The following DNAH11 variants were observed in gnomAD, a reference collection of about 807,000 sequenced individuals.
The protein encoded by DNAH11 is dynein axonemal heavy chain 11, also known as axonemal beta dynein heavy chain 11.
In DNAH11, 442 loss-of-function variants were observed where a neutral mutation model predicts 526.0. The observed-to-expected ratio is 0.84, with a 90% CI of 0.78 to 0.91. The LOEUF is 0.91. Ranked by LOEUF, DNAH11 falls within the 40% of genes least tolerant of loss-of-function variation. The probability of loss-of-function intolerance (pLI) is 0.00; values close to 1 mark genes in which losing one functional copy is unlikely to be tolerated. For missense variants in DNAH11, 6,989 were observed against 5,448.7 expected (o/e 1.28, Z -8.90); for synonymous variants, 2,461 against 1,935.9 (o/e 1.27, Z -7.12).
intron 74 of DNAH11, among the ~76,000 whole-genome samples, chr7:21,877,858 C>T (rs1176049528): frequency 1.9e-5 from 2 of 103,584 alleles, no homozygotes; most frequent in Admixed American, 1.6e-4. Context: ...CTGGGCAACA[C>T]AGGGAGACTC....
chr7:21,724,268 A>G (rs945950636), intron 44 of DNAH11, among the ~76,000 whole-genome samples: 1 of 152,202 alleles, frequency 6.6e-6, no homozygotes, highest in East Asian at 1.9e-4. Flanking sequence ...TCTACCACCA[A>G]TCTGAAAATA....
At chr7:21,696,047 T>C (rs865928350) in intron 35 of DNAH11, among the ~76,000 whole-genome samples, 2 of 152,212 alleles carry the variant, frequency 1.3e-5, no homozygotes, top group African/African-American at 4.8e-5. Flanking sequence ...TCTTCCTATT[T>C]CCTTGATGAT....
At chr7:21,669,407 A>G (rs970581825) in intron 30 of DNAH11, among the ~76,000 whole-genome samples, 9 of 152,080 alleles carry the variant, frequency 5.9e-5, no homozygotes, top group Admixed American at 3.3e-4. Flanking sequence ...CTGACCTCAA[A>G]TGATCCTCCT....
Position 21,543,070 on chromosome 7 carries a change from A to G in DNAH11, c.-176A>G. ...GGCCTTCGCTTCGGCCTGCGAGGCT[A>G]CAGCTGTGCGCAGTGGCGCGGCTGC... On this transcript the variant is annotated 5_prime_UTR_variant, in exon 1 of 82. Coordinates refer to ENST00000409508, the MANE Select transcript of DNAH11 (RefSeq NM_001277115.2). 2.0e-6 allele frequency: 2 copies of G among 988,666 alleles called. No individual in the cohort carries two copies. Among genetic ancestry groups the G allele is most frequent in the East Asian group, 3.6e-5 (1 of 27,532 alleles). 61.2% of individuals were successfully genotyped at this position (988,666 alleles called of 1,614,324 possible).
At chr7:21,578,499 G>A (rs1007149134) in intron 8 of DNAH11, among the ~76,000 whole-genome samples, 5 of 152,216 alleles carry the variant, frequency 3.3e-5, no homozygotes, top group African/African-American at 4.8e-5. Flanking sequence ...CTGATGTTGA[G>A]TGCCTGCAGC....
chr7:21,700,111 A>G (rs890077070), intron 36 of DNAH11, among the ~76,000 whole-genome samples: 1 of 152,232 alleles, frequency 6.6e-6, no homozygotes, highest in Non-Finnish European at 1.5e-5. Context: ...AAAACTGAGC[A>G]AAACAACCTG....
At chr7:21,768,518 G>T (rs1209325585) in intron 55 of DNAH11, among the ~76,000 whole-genome samples, 1 of 152,126 alleles carries the variant, frequency 6.6e-6, no homozygotes, top group Non-Finnish European at 1.5e-5. Flanking sequence ...TCTGAGCAAG[G>T]TGAAAGAGGT....
intron 36 of DNAH11, among the ~76,000 whole-genome samples, chr7:21,699,241 T>C (rs1783967869): frequency 6.6e-6 from 1 of 152,188 alleles, no homozygotes; most frequent in African/African-American, 2.4e-5. Context: ...TTTTTTGTTC[T>C]TTTAAATTTG....
intron 2 of DNAH11, among the ~76,000 whole-genome samples, chr7:21,546,249 C>G (rs912218894): frequency 4.6e-5 from 7 of 152,198 alleles, no homozygotes; most frequent in African/African-American, 1.7e-4. Flanking sequence ...GCTGGACTAA[C>G]CAAAGTCTCT....
At chr7:21,724,622 C>T (rs1403265722) in intron 44 of DNAH11, among the ~76,000 whole-genome samples, 1 of 151,262 alleles carries the variant, frequency 6.6e-6, no homozygotes, top group African/African-American at 2.4e-5. Context: ...GGTACAGAGC[C>T]AGGTCATCGT....
intron 47 of DNAH11, 94 bp downstream of exon 47, chr7:21,738,960 T>G: frequency 8.6e-7 from 1 of 1,156,494 alleles, no homozygotes; most frequent in Non-Finnish European, 1.2e-6. Flanking sequence ...GAATAATTAT[T>G]ATGGATGAAT....
intron 25 of DNAH11, among the ~76,000 whole-genome samples, chr7:21,634,364 A>G (rs571820502): frequency 1.3e-5 from 2 of 152,332 alleles, no homozygotes; most frequent in South Asian, 4.1e-4. Context: ...AGGAGGAGAC[A>G]AAAAGGAGGC....
chr7:21,810,817 AT>A (rs1187601506), intron 63 of DNAH11, among the ~76,000 whole-genome samples: 2 of 152,168 alleles, frequency 1.3e-5, no homozygotes, highest in African/African-American at 4.8e-5. Context: ...TGGAAGGAGC[AT>A]TTTAGGCTGA....
chr7:21,713,321 G>A (rs906999363), intron 42 of DNAH11, among the ~76,000 whole-genome samples: 10 of 152,066 alleles, frequency 6.6e-5, no homozygotes, highest in Non-Finnish European at 2.9e-5. Flanking sequence ...CTTGCCTTCC[G>A]GCTTCTGGTT....
At position 21,892,628 on chromosome 7, in the gene DNAH11, A is replaced by G. The variant is rs763598195; in HGVS notation, c.12711A>G (p.Ala4237=). 22 of 1,612,424 alleles carry G rather than the reference A, an allele frequency of 1.4e-5. No homozygotes were observed. Among genetic ancestry groups the G allele is most frequent in the Non-Finnish European group, 1.9e-5 (22 of 1,179,028 alleles). ...RTLLEMQPRN[A]LSGDELGQST... is the part of the protein sequence containing the mutation. ...TGCTGGAGATGCAGCCCAGGAATGC[A>G]CTCAGTGGTGATGAACTGGGGCAGT... The change falls in exon 77 of 82, where the codon GCA becomes GCG. Residue 4237 remains alanine (A), a synonymous_variant. Transcript: ENST00000409508.
chr7:21,862,276 G>T (rs1296063796), intron 69 of DNAH11, among the ~76,000 whole-genome samples: 1 of 151,878 alleles, frequency 6.6e-6, no homozygotes, highest in Non-Finnish European at 1.5e-5. Context: ...CTACCACAGC[G>T]GTCACCCTGA....
At chr7:21,624,948 T>C (rs1428952594) in intron 25 of DNAH11, among the ~76,000 whole-genome samples, 2 of 152,164 alleles carry the variant, frequency 1.3e-5, no homozygotes, top group Non-Finnish European at 2.9e-5. Context: ...TAGACTTTGC[T>C]GAGGATTTTT....
At chr7:21,721,142 A>G (rs1385391154) in intron 44 of DNAH11, among the ~76,000 whole-genome samples, 2 of 152,158 alleles carry the variant, frequency 1.3e-5, no homozygotes, top group Non-Finnish European at 2.9e-5. Flanking sequence ...CTGTTCTACA[A>G]GAAGCCCCAC....
intron 5 of DNAH11, among the ~76,000 whole-genome samples, chr7:21,563,911 G>A (rs1783560367): frequency 6.6e-6 from 1 of 152,060 alleles, no homozygotes; most frequent in African/African-American, 2.4e-5. Flanking sequence ...TAGACTCCAG[G>A]GGTATTTTCC....
Sources: gnomAD v4.1 joint callset for allele counts (sites outside exome capture counted in the v4.1 genomes callset) on GRCh38, gnomAD v4.1.1 for gene constraint, MANE v1.5 for transcripts, NCBI Gene and HGNC (gene_info 2026-07-23, HGNC 2026-07-21) for gene names.